Variants in SMIM28 observed in about 807,000 individuals in gnomAD.
SMIM28 encodes small integral membrane protein 28.
chr6:138,382,737 C>T lies in SMIM28; in HGVS notation c.349C>T (p.Pro117Ser). The change falls in exon 2 of 2, where the codon CCA becomes TCA. Residue 117 changes from proline to serine, a missense_variant. By Grantham distance (74) the Pro-to-Ser change is moderately conservative. Transcript: ENST00000573100. Reference sequence around the variant, plus strand: ...GAGCAGTGAGGACTTCCCCTACTCCCCACTGCCCCCGGAGGCCACTCTCCC... The same window carrying T: ...GAGCAGTGAGGACTTCCCCTACTCCTCACTGCCCCCGGAGGCCACTCTCCC... ...AWSSEDFPYS[P>S]LPPEATLPSQ... 2.5e-6 allele frequency: 1 copy of T among 398,690 alleles called. No individual in the cohort carries two copies. The highest frequency in any genetic ancestry group is 1.3e-4 in the South Asian group (1 of 7,852). The allele number at this position is 398,690 out of a possible 1,614,324, so 24.7% of individuals were successfully genotyped here.
Position 138,378,195 on chromosome 6 carries a change from T to C in SMIM28, c.111+12T>C, listed in dbSNP as rs1456434967. ...AGACCCAGCTGCAGGTCTGTACTTATGACTTAAGTCTTTTCTTCCCCAAAG... is the reference window on the plus strand; with the variant it reads ...AGACCCAGCTGCAGGTCTGTACTTACGACTTAAGTCTTTTCTTCCCCAAAG... On this transcript the variant is annotated intron_variant, in intron 1 of 1. Coordinates refer to ENST00000573100, the MANE Select transcript of SMIM28 (RefSeq NM_001368163.3). 2.8e-5 allele frequency: 11 copies of C among 398,550 alleles called. No homozygotes were observed. The highest frequency in any genetic ancestry group is 4.9e-5 in the Non-Finnish European group (11 of 226,072). 24.7% of individuals were successfully genotyped at this position (398,550 alleles called of 1,614,324 possible).
At position 138,383,097 on chromosome 6, in the gene SMIM28, T is replaced by C. The variant is rs948698954; in HGVS notation, c.*250T>C. ...AAAGTTTCCCAGGTTCTTCTAAAGA[T>C]GACTGCACTCTCCTAAAATGTATAA... On this transcript the variant is annotated 3_prime_UTR_variant, in exon 2 of 2. Transcript: ENST00000573100. The C allele has an allele frequency of 4.7e-5, 15 of 321,466 alleles. No homozygotes were observed. The highest frequency in any genetic ancestry group is 6.2e-5 in the Non-Finnish European group (11 of 178,554). The allele number at this position is 321,466 out of a possible 1,614,324, so 19.9% of individuals were successfully genotyped here.
intron 1 of SMIM28, among the ~76,000 whole-genome samples, chr6:138,381,079 T>A (rs1774307523): frequency 6.6e-6 from 1 of 152,022 alleles, no homozygotes. Flanking sequence ...ATTTTTTTTG[T>A]ACTTTTAGTA....
chr6:138,380,505 T>A (rs1387668137), intron 1 of SMIM28, among the ~76,000 whole-genome samples: 1 of 152,182 alleles, frequency 6.6e-6, no homozygotes, highest in Non-Finnish European at 1.5e-5. Context: ...CAGTGGCTCA[T>A]GCCTGTAATC....
At chr6:138,378,374 G>C (rs1218314020) in intron 1 of SMIM28, among the ~76,000 whole-genome samples, 191 bp downstream of exon 1, 1 of 152,142 alleles carries the variant, frequency 6.6e-6, no homozygotes, top group Non-Finnish European at 1.5e-5. Context: ...TTTGGACAAG[G>C]ATACATTCAA....
chr6:138,381,502 T>A (rs1452704455), intron 1 of SMIM28, among the ~76,000 whole-genome samples: 1 of 152,244 alleles, frequency 6.6e-6, no homozygotes, highest in East Asian at 1.9e-4. Flanking sequence ...GGAGCCATTA[T>A]AATTTCTGTG....
chr6:138,381,059 C>T (rs144606477), intron 1 of SMIM28, among the ~76,000 whole-genome samples: 55 of 152,002 alleles, frequency 3.6e-4, no homozygotes, highest in African/African-American at 1.0e-3. Context: ...CCCACCACCA[C>T]GCCCTGCTAA....
chr6:138,378,611 T>C (rs1037484266), intron 1 of SMIM28, among the ~76,000 whole-genome samples: 1 of 152,228 alleles, frequency 6.6e-6, no homozygotes, highest in African/African-American at 2.4e-5. Context: ...CCATGCATCT[T>C]ACTTCAGGTA....
At position 138,382,888 on chromosome 6, in the gene SMIM28, C is replaced by T; in HGVS notation, c.*41C>T. ...ACTGGAAGAGCAAAAATAAACTGCT[C>T]TTGGGAATCATACAAAACACAGCTC... On this transcript the variant is annotated 3_prime_UTR_variant, in exon 2 of 2. Coordinates refer to ENST00000573100, the MANE Select transcript of SMIM28 (RefSeq NM_001368163.3). The T allele has an allele frequency of 2.5e-6, 1 of 398,510 alleles. No homozygotes were observed. The highest frequency in any genetic ancestry group is 4.4e-6 in the Non-Finnish European group (1 of 226,116). The allele number at this position is 398,510 out of a possible 1,614,324, so 24.7% of individuals were successfully genotyped here. A position where few individuals can be genotyped will look rare whatever the true frequency, so the allele number is the denominator to read the frequency against.
chr6:138,378,045 G>A lies in SMIM28; in HGVS notation c.-28G>A. 2.5e-6 allele frequency: 1 copy of A among 398,878 alleles called. No homozygotes were observed. Among genetic ancestry groups the A allele is most frequent in the Non-Finnish European group, 4.4e-6 (1 of 226,264 alleles). The allele number at this position is 398,878 out of a possible 1,614,324, so 24.7% of individuals were successfully genotyped here. On this transcript the variant is annotated 5_prime_UTR_variant, in exon 1 of 2. In the 5' UTR this introduces an upstream ATG that the reference lacks. Coordinates refer to ENST00000573100, the MANE Select transcript of SMIM28 (RefSeq NM_001368163.3). Reference sequence around the variant, plus strand: ...GAAATCTGGGCAGCAAGGTGGAAGGGTGGCCAGGGCATCAGCTGGATGAAA... The same window carrying A: ...GAAATCTGGGCAGCAAGGTGGAAGGATGGCCAGGGCATCAGCTGGATGAAA...
At chr6:138,380,636 G>C (rs1038817429) in intron 1 of SMIM28, among the ~76,000 whole-genome samples, 1 of 151,972 alleles carries the variant, frequency 6.6e-6, no homozygotes, top group Non-Finnish European at 1.5e-5. Context: ...GTGTGGTGGC[G>C]GGTGCCTGTA....
In SMIM28 at chr6:138,382,838, T is replaced by C. The variant is rs1774331991; in HGVS notation, c.450T>C (p.Pro150=). The C allele has an allele frequency of 2.5e-6, 1 of 398,560 alleles. No homozygotes were observed. The highest frequency in any genetic ancestry group is 4.4e-6 in the Non-Finnish European group (1 of 226,156). The allele number at this position is 398,560 out of a possible 1,614,324, so 24.7% of individuals were successfully genotyped here. Residue 150 remains proline (P), a synonymous_variant, in exon 2 of 2, where the codon CCT becomes CCC. Transcript: ENST00000573100. The part of the protein sequence containing the change: ...PPGEEAQGCS[P]SV The stretch of plus-strand genomic sequence containing the variant: ...GGGAGGAGGCCCAGGGATGCAGTCC[T>C]TCAGTATGAAAAGGGCTCACCTGGA...
At chr6:138,381,561 T>G (rs1382502368) in intron 1 of SMIM28, among the ~76,000 whole-genome samples, 1 of 152,238 alleles carries the variant, frequency 6.6e-6, no homozygotes, top group Non-Finnish European at 1.5e-5. Context: ...AGAATTTATC[T>G]GTAATTCTTT....
rs1774325783 is a variant in SMIM28, at chr6:138,382,520, C to T, written c.132C>T (p.Ser44=). ...TQLQGTQGVS[S]TQEDVEPFLC... ...TCCAGGGCACCCAGGGGGTGAGCTC[C>T]ACCCAGGAGGATGTGGAGCCCTTCC... The change falls in exon 2 of 2, where the codon TCC becomes TCT. Residue 44 remains serine (S), a synonymous_variant. Coordinates refer to ENST00000573100, the MANE Select transcript of SMIM28 (RefSeq NM_001368163.3). 2 of 398,504 alleles carry T rather than the reference C, an allele frequency of 5.0e-6. No homozygotes were observed. The highest frequency in any genetic ancestry group is 8.8e-6 in the Non-Finnish European group (2 of 226,082). The allele number at this position is 398,504 out of a possible 1,614,324, so 24.7% of individuals were successfully genotyped here.
At chr6:138,382,397 A>AG (rs773269363) in intron 1 of SMIM28, 103 bp from the exon 2 acceptor site, 23 of 100,344 alleles carry the variant, frequency 2.3e-4, no homozygotes, top group Middle Eastern at 9.2e-3. Context: ...ACTGTGTCTC[A>AG]AAAAAAAAAA....
rs977632990 is a variant in SMIM28 at position 138,383,344 on chromosome 6, T to G, written c.*497T>G. 6.6e-6 allele frequency among the ~76,000 whole-genome samples: 1 copy of G among 152,008 alleles called. No homozygotes were observed. The highest frequency in any genetic ancestry group is 1.5e-5 in the Non-Finnish European group (1 of 68,008). On this transcript the variant is annotated 3_prime_UTR_variant, in exon 2 of 2. Coordinates refer to ENST00000573100, the MANE Select transcript of SMIM28 (RefSeq NM_001368163.3). ...TATGAATGCTCCAAGATATAGAGAG[T>G]TCTAGCAGGAGTAAAAGACATCTCT... is the stretch of plus-strand genomic sequence containing the variant.
At chr6:138,379,979 G>A (rs1292275090) in intron 1 of SMIM28, among the ~76,000 whole-genome samples, 2 of 152,076 alleles carry the variant, frequency 1.3e-5, no homozygotes, top group African/African-American at 4.8e-5. Context: ...ATTTAGTTAT[G>A]CCAGATTTTA....
At chr6:138,381,776 A>G (rs1774314924) in intron 1 of SMIM28, among the ~76,000 whole-genome samples, 1 of 152,236 alleles carries the variant, frequency 6.6e-6, no homozygotes, top group South Asian at 2.1e-4. Context: ...TGAGTCCCAC[A>G]TGATCTGTTA....
chr6:138,382,483 TC>T lies in SMIM28; in HGVS notation c.112-15del. Reference sequence around the variant, plus strand: ...TCTTTCCACATTTCCTAACTAGGCTTCCTTCCCTAACTCCAGGGCACCCAGG... The same window carrying T: ...TCTTTCCACATTTCCTAACTAGGCTTCTTCCCTAACTCCAGGGCACCCAGG... On this transcript the variant is annotated splice_polypyrimidine_tract_variant and intron_variant, in intron 1 of 1. Transcript: ENST00000573100. 1 of 395,648 alleles carries T rather than the reference TC, an allele frequency of 2.5e-6. No individual in the cohort carries two copies. Among genetic ancestry groups the T allele is most frequent in the Non-Finnish European group, 4.4e-6 (1 of 225,402 alleles). 24.5% of individuals were successfully genotyped at this position (395,648 alleles called of 1,614,324 possible). A position where few individuals can be genotyped will look rare whatever the true frequency, so the allele number is the denominator to read the frequency against.
Sources: gnomAD v4.1 joint callset for allele counts (sites outside exome capture counted in the v4.1 genomes callset) on GRCh38, gnomAD v4.1.1 for gene constraint, MANE v1.5 for transcripts, NCBI Gene and HGNC (gene_info 2026-07-23, HGNC 2026-07-21) for gene names.